Variants in CDC123 observed in about 807,000 individuals in gnomAD.
CDC123 encodes the protein cell division cycle 123, also known as translation initiation factor eIF2 assembly protein.
A neutral mutation model predicts 54.4 loss-of-function variants in CDC123; 37 were observed. That is an observed-to-expected ratio of 0.68 (90% CI 0.52 to 0.89). The LOEUF is 0.89. Among genes scored for constraint, CDC123 ranks in the 40% least tolerant of loss-of-function variants. The pLI, the probability that CDC123 is intolerant of heterozygous loss-of-function variation, is 0.00. For missense variants in CDC123, 361 were observed against 412.1 expected (o/e 0.88, Z 1.07); for synonymous variants, 144 against 136.8 (o/e 1.05, Z -0.37).
intron 6 of CDC123, among the ~76,000 whole-genome samples, chr10:12,226,538 G>A (rs35828869): frequency 0.44 from 65,717 of 150,074 alleles, 15,855 homozygotes; most frequent in Middle Eastern, 0.57. Context: ...CCTCCCAGAC[G>A]GGGTGGAGGT....
At chr10:12,209,916 A>G (rs1330763839) in intron 2 of CDC123, 51 bp from the exon 3 acceptor site, 5 of 1,560,844 alleles carry the variant, frequency 3.2e-6, no homozygotes, top group Non-Finnish European at 4.4e-6. Context: ...AATTAGGAGC[A>G]TGCGGTGCCC....
Position 12,250,383 on chromosome 10 carries a change from C to G in CDC123, c.*46C>G, listed in dbSNP as rs376031256. On this transcript the variant is annotated 3_prime_UTR_variant, in exon 13 of 13. Transcript: ENST00000281141. ...AAGAGGAGGCCCCGCCCCACCGCTC[C>G]GGGAGCTGCTCATCAGCCGCAACTT... 1 of 1,497,976 alleles carries G rather than the reference C, an allele frequency of 6.7e-7. No individual in the cohort carries two copies. Among genetic ancestry groups the G allele is most frequent in the Non-Finnish European group, 9.3e-7 (1 of 1,074,706 alleles). The allele number at this position is 1,497,976 out of a possible 1,614,324, so 92.8% of individuals were successfully genotyped here. A position where few individuals can be genotyped will look rare whatever the true frequency, so the allele number is the denominator to read the frequency against.
chr10:12,248,804 T>TA (rs34879673), intron 11 of CDC123, among the ~76,000 whole-genome samples: 26 of 147,028 alleles, frequency 1.8e-4, no homozygotes, highest in African/African-American at 4.5e-4. Context: ...AAACTTCGTC[T>TA]AAAAAAAAAA....
At chr10:12,210,349 G>C (rs771134969) in intron 4 of CDC123, 27 bp downstream of exon 4, 1 of 1,613,746 alleles carries the variant, frequency 6.2e-7, no homozygotes, top group Non-Finnish European at 8.5e-7. Context: ...CTCAGCGTGG[G>C]GACAGCCTCA....
chr10:12,225,718 T>A (rs969190189), intron 6 of CDC123, among the ~76,000 whole-genome samples: 5 of 149,592 alleles, frequency 3.3e-5, no homozygotes, highest in Non-Finnish European at 5.9e-5. Context: ...AATAATTGAC[T>A]TTTCTCTTTT....
rs1835398321 is a variant in CDC123 at position 12,198,752 on chromosome 10, A to G, written c.122A>G (p.Asp41Gly). The change falls in exon 2 of 13, where the codon GAT (aspartate) becomes GGT (glycine). Residue 41 changes from aspartate to glycine, a missense_variant. Asp to Gly is a moderately conservative substitution (Grantham distance 94). Transcript: ENST00000281141. ...PQNVKDYLLD[D>G]GTLVVSGRDD... is the part of the protein sequence containing the mutation. Reference sequence around the variant, plus strand: ...AATGTGAAGGATTATTTACTCGATGATGGAACTCTGGTGGTTTCAGGAAGG... The same window carrying G: ...AATGTGAAGGATTATTTACTCGATGGTGGAACTCTGGTGGTTTCAGGAAGG... 1 of 1,593,298 alleles carries G rather than the reference A, an allele frequency of 6.3e-7. No homozygotes were observed. The highest frequency in any genetic ancestry group is 1.7e-5 in the Admixed American group (1 of 58,784).
intron 1 of CDC123, among the ~76,000 whole-genome samples, chr10:12,197,541 T>G (rs1835376594): frequency 6.6e-6 from 1 of 151,904 alleles, no homozygotes; most frequent in Admixed American, 6.6e-5. Flanking sequence ...CACCCCCGGC[T>G]AATTTTTTGT....
intron 1 of CDC123, among the ~76,000 whole-genome samples, chr10:12,196,899 G>A (rs1026283667): frequency 1.3e-5 from 2 of 152,154 alleles, no homozygotes; most frequent in African/African-American, 4.8e-5. Context: ...CAGGTAGGCG[G>A]CAAGTATTAA....
At chr10:12,217,646 G>A (rs573410039) in intron 6 of CDC123, among the ~76,000 whole-genome samples, 179 bp downstream of exon 6, 5 of 152,296 alleles carry the variant, frequency 3.3e-5, no homozygotes, top group African/African-American at 4.8e-5. Context: ...AGAAAATGGT[G>A]TATAATGAAT....
Position 12,210,043 on chromosome 10 carries a change from A to G in CDC123, c.204+19A>G. 6.2e-7 allele frequency: 1 copy of G among 1,612,172 alleles called. No individual in the cohort carries two copies. The highest frequency in any genetic ancestry group is 1.7e-5 in the Admixed American group (1 of 60,018). ...AATACAGGTTGGTACCAAATAAAAT[A>G]ATCTGTTCTGTAGACTGTTGTAATT... On this transcript the variant is annotated intron_variant, in intron 3 of 12. Coordinates refer to ENST00000281141, the MANE Select transcript of CDC123 (RefSeq NM_006023.3).
At position 12,212,334 on chromosome 10, in the gene CDC123, G is replaced by A. The variant is rs541950079; in HGVS notation, c.237+2012G>A. ...ACTGGGATTGGGAAAGTAAAAATGA[G>A]CCTGCAACAACTTGTGCCAGAAACT... On this transcript the variant is annotated intron_variant, in intron 4 of 12. Transcript: ENST00000281141. Among the ~76,000 whole-genome samples the A allele has an allele frequency of 5.3e-5, 8 of 152,230 alleles. 1 individual carries two copies. Among genetic ancestry groups the A allele is most frequent in the African/African-American group, 1.7e-4 (7 of 41,530 alleles).
intron 7 of CDC123, among the ~76,000 whole-genome samples, chr10:12,233,509 A>G (rs1424876779): frequency 1.3e-5 from 2 of 152,176 alleles, no homozygotes; most frequent in Non-Finnish European, 2.9e-5. Context: ...TAGTATTTTG[A>G]TAAACATTAT....
chr10:12,244,648 CT>C (rs33998192), intron 10 of CDC123: 83,450 of 125,872 alleles, frequency 0.66, 27,124 homozygotes, highest in Admixed American at 0.73. Context: ...TTTCTTTTTT[CT>C]TTTTTTTTTT....
At chr10:12,201,609 A>G (rs1835440757) in intron 2 of CDC123, among the ~76,000 whole-genome samples, 1 of 151,760 alleles carries the variant, frequency 6.6e-6, no homozygotes, top group African/African-American at 2.4e-5. Context: ...AGAGAAGGGT[A>G]AGTGGCATGA....
chr10:12,233,131 G>A (rs1240991438), intron 7 of CDC123, among the ~76,000 whole-genome samples: 1 of 151,956 alleles, frequency 6.6e-6, no homozygotes, highest in Non-Finnish European at 1.5e-5. Flanking sequence ...TCTTATTGCC[G>A]TTTTGAAAGA....
In CDC123 at chr10:12,234,625, T is replaced by C. The variant is rs1317726256; in HGVS notation, c.490-423T>C. 2.0e-5 allele frequency among the ~76,000 whole-genome samples: 3 copies of C among 152,208 alleles called. No homozygotes were observed. In the East Asian group the frequency reaches 5.8e-4, roughly 29 times the overall value. ...CTACATTCTTGGTGGTGTGCTTGTATGTCAGAACTCTCAAAATGGCAGTTA... is the reference window on the plus strand; with the variant it reads ...CTACATTCTTGGTGGTGTGCTTGTACGTCAGAACTCTCAAAATGGCAGTTA... On this transcript the variant is annotated intron_variant, in intron 7 of 12. Transcript: ENST00000281141.
chr10:12,228,255 A>G (rs1391085066), intron 6 of CDC123, among the ~76,000 whole-genome samples: 1 of 152,116 alleles, frequency 6.6e-6, no homozygotes, highest in Non-Finnish European at 1.5e-5. Context: ...TTGACGTAAA[A>G]TAACTGTTAA....
chr10:12,226,796 C>T (rs1299292195), intron 6 of CDC123, among the ~76,000 whole-genome samples: 1 of 151,434 alleles, frequency 6.6e-6, no homozygotes, highest in Non-Finnish European at 1.5e-5. Context: ...AGAGGGGCTC[C>T]TCACATCCCA....
chr10:12,240,994 G>C (rs1836050234), intron 10 of CDC123, among the ~76,000 whole-genome samples: 1 of 152,102 alleles, frequency 6.6e-6, no homozygotes, highest in Non-Finnish European at 1.5e-5. Context: ...TAATGTTGCA[G>C]TTTACCCTCG....
Sources: allele counts gnomAD v4.1 joint callset (sites outside exome capture counted in the v4.1 genomes callset), GRCh38; gene constraint gnomAD v4.1.1; transcripts MANE v1.5; gene names NCBI Gene and HGNC (gene_info 2026-07-23, HGNC 2026-07-21).